XYLT1: variants seen among roughly 807,000 people sequenced by gnomAD.
The protein encoded by XYLT1 is beta-D-xylosyltransferase 1.
XYLT1 carries 36 observed loss-of-function variants against 91.3 expected under a neutral mutation model. The ratio of observed to expected loss-of-function variants is 0.39; its 90% CI spans 0.30 to 0.52. The LOEUF (loss-of-function observed/expected upper bound fraction) is 0.52. Ranked by LOEUF, XYLT1 falls within the 20% of genes least tolerant of loss-of-function variation. The pLI, the probability that XYLT1 is intolerant of heterozygous loss-of-function variation, is 0.68. For missense variants in XYLT1, 1,242 were observed against 1,284.5 expected (o/e 0.97, Z 0.51); for synonymous variants, 588 against 532.0 (o/e 1.11, Z -1.45).
intron 6 of XYLT1, among the ~76,000 whole-genome samples, chr16:17,147,839 A>T (rs1288840169): frequency 2.6e-5 from 4 of 152,218 alleles, no homozygotes; most frequent in African/African-American, 9.6e-5. Flanking sequence ...CACCTGAGTG[A>T]CTTTTTATAA....
chr16:17,201,654 T>G (rs920145783), intron 3 of XYLT1, among the ~76,000 whole-genome samples: 1 of 152,038 alleles, frequency 6.6e-6, no homozygotes, highest in African/African-American at 2.4e-5. Flanking sequence ...TTTGTGTTTT[T>G]AGTAGAGATG....
At chr16:17,393,559 A>G (rs528677861) in intron 1 of XYLT1, among the ~76,000 whole-genome samples, 6 of 152,072 alleles carry the variant, frequency 3.9e-5, no homozygotes, top group African/African-American at 1.4e-4. Flanking sequence ...ATGCTGTCAT[A>G]TCTCAATGTA....
At chr16:17,226,708 A>G (rs925474399) in intron 3 of XYLT1, among the ~76,000 whole-genome samples, 2 of 151,224 alleles carry the variant, frequency 1.3e-5, no homozygotes, top group African/African-American at 4.9e-5. Flanking sequence ...GCTTGAGCCC[A>G]GGAGGCAGAG....
At chr16:17,372,119 AG>A (rs2035542827) in intron 1 of XYLT1, among the ~76,000 whole-genome samples, 1 of 152,232 alleles carries the variant, frequency 6.6e-6, no homozygotes. Flanking sequence ...GGATAGAAGC[AG>A]GAAAGAATAA....
At chr16:17,234,817 C>T (rs1257757776) in intron 3 of XYLT1, among the ~76,000 whole-genome samples, 2 of 151,948 alleles carry the variant, frequency 1.3e-5, no homozygotes, top group Non-Finnish European at 2.9e-5. Context: ...TTACTTAGCC[C>T]ACAGAGAAAT....
chr16:17,242,791 A>G (rs1449429807), intron 3 of XYLT1, among the ~76,000 whole-genome samples: 1 of 152,174 alleles, frequency 6.6e-6, no homozygotes. Context: ...TCAAGCCCCT[A>G]GGTCTCACCA....
chr16:17,470,507 G>A lies in XYLT1; in HGVS notation c.290C>T (p.Ala97Val). ...CGGTTCTCCGGGGCCGCCTCCCCGC[G>A]CCCGCGCCTGGGGCCCCCGTCCTCC... ...GGGGRGPQAR[A>V]RGGGPGEPRG... The change falls in exon 1 of 12, where the codon GCG (alanine) becomes GTG (valine). Residue 97 changes from alanine (A) to valine (V), a missense_variant. Physicochemically the swap from Ala to Val is moderately conservative, Grantham distance 64. This residue lies in a region of XYLT1 where 437 missense variants were observed against 411.5 expected (regional missense o/e 1.06). Transcript: ENST00000261381. 8.1e-7 allele frequency: 1 copy of A among 1,229,290 alleles called. No individual in the cohort carries two copies. The highest frequency in any genetic ancestry group is 1.0e-6 in the Non-Finnish European group (1 of 987,058). The allele number at this position is 1,229,290 out of a possible 1,614,324, so 76.1% of individuals were successfully genotyped here. A position where few individuals can be genotyped will look rare whatever the true frequency, so the allele number is the denominator to read the frequency against.
chr16:17,436,371 G>T (rs995252360), intron 1 of XYLT1, among the ~76,000 whole-genome samples: 2 of 152,156 alleles, frequency 1.3e-5, no homozygotes, highest in African/African-American at 4.8e-5. Flanking sequence ...TTGAACCAAG[G>T]CTGTCTGGCT....
chr16:17,239,318 CCATCCATCCATCCAT>C (rs1443704112), intron 3 of XYLT1, among the ~76,000 whole-genome samples: 11 of 134,376 alleles, frequency 8.2e-5, no homozygotes, highest in Admixed American at 7.7e-4. Flanking sequence ...GTCCATTCAT[CCATCCATCCATCCAT>C]CATCCATCCA....
intron 1 of XYLT1, among the ~76,000 whole-genome samples, chr16:17,372,733 C>T (rs958480236): frequency 2.6e-5 from 4 of 152,184 alleles, no homozygotes; most frequent in Non-Finnish European, 4.4e-5. Flanking sequence ...CAAATGCCGG[C>T]TCAATTATTT....
chr16:17,461,251 C>G (rs4436762), intron 1 of XYLT1, among the ~76,000 whole-genome samples: 2,055 of 152,332 alleles, frequency 0.013, 43 homozygotes, highest in Admixed American at 0.062. Flanking sequence ...GGCTCTGAAT[C>G]ATACTACTTA....
intron 1 of XYLT1, among the ~76,000 whole-genome samples, chr16:17,377,645 C>A (rs1254644991): frequency 6.6e-6 from 1 of 152,060 alleles, no homozygotes; most frequent in African/African-American, 2.4e-5. Flanking sequence ...TTCAGTTCAG[C>A]CTCTCATAAA....
At chr16:17,160,776 T>A (rs1226009404) in intron 5 of XYLT1, among the ~76,000 whole-genome samples, 1 of 152,192 alleles carries the variant, frequency 6.6e-6, no homozygotes, top group African/African-American at 2.4e-5. Context: ...CCTCCGACAC[T>A]GTTACCTGTA....
chr16:17,313,008 G>A (rs1460695061), intron 2 of XYLT1, among the ~76,000 whole-genome samples: 1 of 152,230 alleles, frequency 6.6e-6, no homozygotes, highest in Non-Finnish European at 1.5e-5. Context: ...GAAGCTGGGA[G>A]AGAGGGCATG....
rs756943847 is a variant in XYLT1 at position 17,470,728 on chromosome 16, C to T, written c.69G>A (p.Thr23=). The change falls in exon 1 of 12, where the codon ACG becomes ACA. Residue 23 remains threonine, a synonymous_variant. Transcript: ENST00000261381. ...CGACCAGCGTCTGCAGCAGCAGCACCGTGAGCGCCGCGAGCAGCGCCGAGT... is the reference window on the plus strand; with the variant it reads ...CGACCAGCGTCTGCAGCAGCAGCACTGTGAGCGCCGCGAGCAGCGCCGAGT... ...RSHSALLAAL[T]VLLLQTLVVW... 20 of 1,147,912 alleles carry T rather than the reference C, an allele frequency of 1.7e-5. 1 individual carries two copies. Among genetic ancestry groups the T allele is most frequent in the Non-Finnish European group, 2.2e-6 (2 of 917,156 alleles). The allele number at this position is 1,147,912 out of a possible 1,614,324, so 71.1% of individuals were successfully genotyped here. A position where few individuals can be genotyped will look rare whatever the true frequency, so the allele number is the denominator to read the frequency against.
intron 2 of XYLT1, among the ~76,000 whole-genome samples, chr16:17,351,903 C>T (rs936530159): frequency 9.9e-5 from 15 of 152,056 alleles, no homozygotes; most frequent in African/African-American, 2.9e-4. Flanking sequence ...CAGCACTTTG[C>T]GAGGCTGAGG....
chr16:17,158,892 A>G lies in XYLT1; in HGVS notation c.1307T>C (p.Val436Ala), dbSNP rs199949250. ...ATCTCGGTATCGGGAGAGAAACGCC[A>G]CCAACTGGTCATTTGTCCTGTGGAA... ...DYPIRTNDQL[V>A]AFLSRYRDMN... Residue 436 changes from valine to alanine, a missense_variant, in exon 6 of 12, where the codon GTG becomes GCG. Val to Ala is a moderately conservative substitution (Grantham distance 64, BLOSUM62 0). Around this residue, in one of 3 missense-constraint regions of XYLT1, gnomAD observed 294 missense variants for 376.0 expected, o/e 0.78. Coordinates refer to ENST00000261381, the MANE Select transcript of XYLT1 (RefSeq NM_022166.4). 10 of 1,614,136 alleles carry G rather than the reference A, an allele frequency of 6.2e-6. No homozygotes were observed. The East Asian group carries it at 2.2e-4, about 36-fold the overall frequency.
At chr16:17,352,539 T>C (rs957570919) in intron 2 of XYLT1, among the ~76,000 whole-genome samples, 5 of 152,214 alleles carry the variant, frequency 3.3e-5, no homozygotes, top group Admixed American at 3.3e-4. Flanking sequence ...AACCCAGACA[T>C]ACTACGCAAA....
chr16:17,398,285 C>T (rs1331003276), intron 1 of XYLT1, among the ~76,000 whole-genome samples: 1 of 152,146 alleles, frequency 6.6e-6, no homozygotes, highest in Non-Finnish European at 1.5e-5. Flanking sequence ...GGAATCAAGA[C>T]AAAGAAAGAG....
Sources: gnomAD v4.1 joint callset for allele counts (sites outside exome capture counted in the v4.1 genomes callset) on GRCh38, gnomAD v4.1.1 for gene constraint, gnomAD v4.1.1 regional missense constraint, MANE v1.5 for transcripts, NCBI Gene and HGNC (gene_info 2026-07-23, HGNC 2026-07-21) for gene names.